The following SLFNL1 variants were observed in gnomAD, a reference collection of about 807,000 sequenced individuals.
The protein encoded by SLFNL1 is schlafen like 1, also known as schlafen-like protein 1.
Under a neutral mutation model 32.5 loss-of-function variants are expected in SLFNL1, and 26 were observed. That is an observed-to-expected ratio of 0.80 (90% confidence interval 0.59 to 1.11). The LOEUF (loss-of-function observed/expected upper bound fraction) is 1.11. Among genes scored for constraint, SLFNL1 ranks in the 50% least tolerant of loss-of-function variants. The pLI is 0.00. For synonymous variants in SLFNL1, 255 were observed against 242.2 expected, an observed-to-expected ratio of 1.05 and a Z score of -0.49; for missense variants, 553 against 546.5, an observed-to-expected ratio of 1.01 and a Z score of -0.12.
rs1418297116 is a variant in SLFNL1 at position 41,017,541 on chromosome 1, C to T, written c.957+94G>A. On this transcript the variant is annotated intron_variant, in intron 4 of 5. Coordinates refer to ENST00000302946, the MANE Select transcript of SLFNL1 (RefSeq NM_144990.4). This position sits in a 1 kb window ranked among gnomAD's most constrained non-coding sequence, Gnocchi z 4.9. ...TCTCCTGTGGCCCCCAGTCCCGTCC[C>T]TGCCCCAGCACTGCCTGGCAGGAGT... The T allele has an allele frequency of 1.6e-5, 24 of 1,497,160 alleles. No individual in the cohort carries two copies. Among genetic ancestry groups the T allele is most frequent in the Non-Finnish European group, 2.0e-5 (22 of 1,123,680 alleles). 92.7% of individuals were successfully genotyped at this position (1,497,160 alleles called of 1,614,324 possible).
rs746313380 is a variant in SLFNL1 at position 41,017,670 on chromosome 1, C to T, written c.922G>A (p.Val308Met). ...PDAYTLTFIPVISTSETSVPL... is the reference protein window; with the variant it reads ...PDAYTLTFIPMISTSETSVPL... ...ACGCTGGTCTCCGAGGTACTGATCA[C>T]AGGGATGAAGGTGAGAGTGTAGGCA... is the stretch of plus-strand genomic sequence containing the variant. Residue 308 changes from valine (V) to methionine (M), a missense_variant, in exon 4 of 6, where the codon GTG (valine) becomes ATG (methionine). Transcript: ENST00000302946. The surrounding 1 kb of genome is among the most constrained non-coding windows in gnomAD (Gnocchi z 4.9). 1.9e-6 allele frequency: 3 copies of T among 1,553,966 alleles called. No homozygotes were observed. In the East Asian group the frequency reaches 6.8e-5, roughly 35 times the overall value.
rs148992629 is a variant in SLFNL1, at chr1:41,020,411, C to A, written c.250G>T (p.Glu84Ter). 5.7e-3 allele frequency: 9,267 copies of A among 1,613,100 alleles called. 46 individuals are homozygous for A. The highest frequency in any genetic ancestry group is 6.1e-3 in the Non-Finnish European group (7,220 of 1,180,020). The change falls in exon 3 of 6, where the codon GAA (glutamate) becomes TAA (stop). Residue 84 changes from glutamate to a stop codon, truncating the protein, a stop_gained. Coordinates refer to ENST00000302946, the MANE Select transcript of SLFNL1 (RefSeq NM_144990.4). LOFTEE classifies it high-confidence loss of function. Reference sequence around the variant, plus strand: ...GCCTTCCGCGGCCGCCTCACCACTTCAATGTGCTCCCGCGCCACCGGCATC... The same window carrying A: ...GCCTTCCGCGGCCGCCTCACCACTTAAATGTGCTCCCGCGCCACCGGCATC... ...LEMPVAREHI[E>*]VVRRPRKAYA...
rs779730326 is a variant in SLFNL1, at chr1:41,017,323, G to C, written c.1012C>G (p.Gln338Glu). Residue 338 changes from glutamine (Q) to glutamate (E), a missense_variant, in exon 5 of 6, where the codon CAG becomes GAG. Coordinates refer to ENST00000302946, the MANE Select transcript of SLFNL1 (RefSeq NM_144990.4). This position sits in a 1 kb window ranked among gnomAD's most constrained non-coding sequence, Gnocchi z 4.9. Reference sequence around the variant, plus strand: ...AGAAACACCTCCCCCTGGTCTGTCTGGTAGAGTTGCGGCTGGCTCTGGGCC... The same window carrying C: ...AGAAACACCTCCCCCTGGTCTGTCTCGTAGAGTTGCGGCTGGCTCTGGGCC... The part of the protein sequence containing the change: ...PKAQSQPQLY[Q>E]TDQGEVFLRR... The C allele has an allele frequency of 6.2e-7, 1 of 1,613,950 alleles. No individual in the cohort carries two copies. The highest frequency in any genetic ancestry group is 1.1e-5 in the South Asian group (1 of 91,082).
intron 5 of SLFNL1, 96 bp from the exon 6 acceptor site, chr1:41,016,324 C>T (rs1353095633): frequency 1.0e-5 from 16 of 1,523,866 alleles, no homozygotes; most frequent in Non-Finnish European, 1.4e-5. Context: ...AAGGCAAAGC[C>T]CAGGAGCCTG....
In SLFNL1 at chr1:41,018,386, G is replaced by T. The variant is rs558865803; in HGVS notation, c.436-230C>A. On this transcript the variant is annotated intron_variant, in intron 3 of 5. Coordinates refer to ENST00000302946, the MANE Select transcript of SLFNL1 (RefSeq NM_144990.4). ...CAGTCAGCGCTCCTTTCCCTGCCAA[G>T]CTGGGCCCTTCCCAGGTGAGCTGTG... is the stretch of plus-strand genomic sequence containing the variant. The T allele has an allele frequency of 1.3e-5, 6 of 448,360 alleles. No homozygotes were observed. The Admixed American group carries it at 1.9e-4, about 14-fold the overall frequency. The allele number at this position is 448,360 out of a possible 1,614,324, so 27.8% of individuals were successfully genotyped here. A position where few individuals can be genotyped will look rare whatever the true frequency, so the allele number is the denominator to read the frequency against.
Position 41,017,395 on chromosome 1 carries a change from C to T in SLFNL1, c.958-18G>A. ...CGGATCACCTTGGTAGGGGCAACAG[C>T]AGCTCTGGAGGCGCCGCCCCTCACG... is the stretch of plus-strand genomic sequence containing the variant. On this transcript the variant is annotated intron_variant, in intron 4 of 5. Coordinates refer to ENST00000302946, the MANE Select transcript of SLFNL1 (RefSeq NM_144990.4). This position sits in a 1 kb window ranked among gnomAD's most constrained non-coding sequence, Gnocchi z 4.9. The T allele has an allele frequency of 1.2e-6, 2 of 1,609,484 alleles. No homozygotes were observed. The highest frequency in any genetic ancestry group is 1.7e-6 in the Non-Finnish European group (2 of 1,177,738).
intron 3 of SLFNL1, 45 bp downstream of exon 3, chr1:41,020,181 C>A: frequency 6.5e-7 from 1 of 1,542,140 alleles, no homozygotes; most frequent in Non-Finnish European, 8.7e-7. Context: ...GAGGCTCTCC[C>A]TTGGGGTGAG....
At chr1:41,019,450 TG>T (rs1402592012) in intron 3 of SLFNL1, among the ~76,000 whole-genome samples, 2 of 152,144 alleles carry the variant, frequency 1.3e-5, no homozygotes, top group Non-Finnish European at 2.9e-5. Flanking sequence ...AGTTCAGCCT[TG>T]CCTTGGATGA....
rs200823541 is a variant in SLFNL1, at chr1:41,017,187, T to C, written c.1101+47A>G. 30 of 1,515,348 alleles carry C rather than the reference T, an allele frequency of 2.0e-5. No homozygotes were observed. In the East Asian group the frequency reaches 3.9e-4, roughly 20 times the overall value. 93.9% of individuals were successfully genotyped at this position (1,515,348 alleles called of 1,614,324 possible). A position where few individuals can be genotyped will look rare whatever the true frequency, so the allele number is the denominator to read the frequency against. The stretch of plus-strand genomic sequence containing the variant: ...TGCTCAGTGGGTGGCTGAAGGGGTC[T>C]GGGGTCAGCTCCGCTCCACCCCACC... On this transcript the variant is annotated intron_variant, in intron 5 of 5. Coordinates refer to ENST00000302946, the MANE Select transcript of SLFNL1 (RefSeq NM_144990.4). The surrounding 1 kb of genome is among the most constrained non-coding windows in gnomAD (Gnocchi z 4.9).
Position 41,018,103 on chromosome 1 carries a change from G to T in SLFNL1, c.489C>A (p.Gly163=). ...GCCAGGTGGGCAGCGGGACACCAGA[G>T]CCTGGACTGGGGCCAGGGCTCAGGC... ...DSGLSPGPSP[G]SGVPLPTWPT... The change falls in exon 4 of 6, where the codon GGC becomes GGA. Residue 163 remains glycine, a synonymous_variant. Transcript: ENST00000302946. 1.3e-6 allele frequency: 2 copies of T among 1,544,424 alleles called. No individual in the cohort carries two copies. Among genetic ancestry groups the T allele is most frequent in the Admixed American group, 1.9e-5 (1 of 52,542 alleles).
In SLFNL1 at chr1:41,017,783, C is replaced by A. The variant is rs1304521608; in HGVS notation, c.809G>T (p.Gly270Val). 2 of 1,605,570 alleles carry A rather than the reference C, an allele frequency of 1.2e-6. No individual in the cohort carries two copies. The highest frequency in any genetic ancestry group is 1.7e-6 in the Non-Finnish European group (2 of 1,174,532). ...CTCGTCACGGTGGCTGCAGCGGATG[C>A]CCTGCACCAGGCCGCTGTCCTCTAC... The part of the protein sequence containing the change: ...VGVEDSGLVQ[G>V]IRCSHRDEDR... Residue 270 changes from glycine to valine, a missense_variant, in exon 4 of 6, where the codon GGC becomes GTC. Physicochemically the swap from Gly to Val is moderately radical, Grantham distance 109. Transcript: ENST00000302946. The surrounding 1 kb of genome is among the most constrained non-coding windows in gnomAD (Gnocchi z 4.9).
At chr1:41,018,425 G>T in intron 3 of SLFNL1, 1 of 406,526 alleles carries the variant, frequency 2.5e-6, no homozygotes, top group Non-Finnish European at 4.4e-6. Context: ...TGCCTGGTGG[G>T]GAAGAAGAGA....
rs749925928 is a variant in SLFNL1, at chr1:41,020,404, A to G, written c.257T>C (p.Val86Ala). Reference protein sequence around the residue: ...MPVAREHIEVVRRPRKAYALV... With the variant: ...MPVAREHIEVARRPRKAYALV... ...TGCATAGGCCTTCCGCGGCCGCCTC[A>G]CCACTTCAATGTGCTCCCGCGCCAC... is the stretch of plus-strand genomic sequence containing the variant. The change falls in exon 3 of 6, where the codon GTG becomes GCG. Residue 86 changes from valine (V) to alanine (A), a missense_variant. Val to Ala is a moderately conservative substitution (Grantham distance 64). Coordinates refer to ENST00000302946, the MANE Select transcript of SLFNL1 (RefSeq NM_144990.4). The G allele has an allele frequency of 5.5e-5, 88 of 1,612,962 alleles. No individual in the cohort carries two copies. The Admixed American group carries it at 1.3e-3, about 24-fold the overall frequency.
intron 3 of SLFNL1, among the ~76,000 whole-genome samples, chr1:41,018,699 T>A (rs879924537): frequency 1.3e-5 from 2 of 152,128 alleles, no homozygotes; most frequent in Non-Finnish European, 2.9e-5. Flanking sequence ...GAATCTCCTT[T>A]CATGGTTTGG....
intron 5 of SLFNL1, chr1:41,016,869 CCAGCT>C: frequency 6.0e-6 from 1 of 167,682 alleles, no homozygotes; most frequent in Non-Finnish European, 1.3e-5. Context: ...GCCACCATGC[CCAGCT>C]AATTTTTGTA....
In SLFNL1 at chr1:41,017,687, G is replaced by T; in HGVS notation, c.905C>A (p.Thr302Asn). 1 of 1,572,234 alleles carries T rather than the reference G, an allele frequency of 6.4e-7. No individual in the cohort carries two copies. The highest frequency in any genetic ancestry group is 8.7e-7 in the Non-Finnish European group (1 of 1,155,382). ...ACTGATCACAGGGATGAAGGTGAGA[G>T]TGTAGGCATCGGGAAAGATCTGAGG... ...FKPQIFPDAY[T>N]LTFIPVISTS... Residue 302 changes from threonine to asparagine, a missense_variant, in exon 4 of 6, where the codon ACT (threonine) becomes AAT (asparagine). Physicochemically the swap from Thr to Asn is moderately conservative, Grantham distance 65 (BLOSUM62 0). Transcript: ENST00000302946. This position sits in a 1 kb window ranked among gnomAD's most constrained non-coding sequence, Gnocchi z 4.9.
chr1:41,021,696 G>A lies in SLFNL1; in HGVS notation c.-199C>T, dbSNP rs1052418305. 1 of 152,268 alleles carries A rather than the reference G, an allele frequency of 6.6e-6. No homozygotes were observed. Among genetic ancestry groups the A allele is most frequent in the Non-Finnish European group, 1.5e-5 (1 of 68,106 alleles). 9.4% of individuals were successfully genotyped at this position (152,268 alleles called of 1,614,324 possible). A position where few individuals can be genotyped will look rare whatever the true frequency, so the allele number is the denominator to read the frequency against. The stretch of plus-strand genomic sequence containing the variant: ...AGCTCCCATAGCCTCCCGACCCCTG[G>A]CCGGTAGCTCTCAGGGAACTTGGAG... On this transcript the variant is annotated 5_prime_UTR_variant, in exon 1 of 6. Coordinates refer to ENST00000302946, the MANE Select transcript of SLFNL1 (RefSeq NM_144990.4).
chr1:41,017,143 A>G lies in SLFNL1; in HGVS notation c.1101+91T>C, dbSNP rs896470392. The G allele has an allele frequency of 2.1e-6, 3 of 1,427,592 alleles. No homozygotes were observed. Among genetic ancestry groups the G allele is most frequent in the African/African-American group, 2.9e-5 (2 of 70,154 alleles). The allele number at this position is 1,427,592 out of a possible 1,614,324, so 88.4% of individuals were successfully genotyped here. The stretch of plus-strand genomic sequence containing the variant: ...GGGGTGATGCAGGACCCAGGGAACC[A>G]TGGTGGCTTGCCCTGGGCTGCTCAG... On this transcript the variant is annotated intron_variant, in intron 5 of 5. Coordinates refer to ENST00000302946, the MANE Select transcript of SLFNL1 (RefSeq NM_144990.4). This position sits in a 1 kb window ranked among gnomAD's most constrained non-coding sequence, Gnocchi z 4.9.
chr1:41,017,621 T>C lies in SLFNL1; in HGVS notation c.957+14A>G, dbSNP rs750425534. The C allele has an allele frequency of 1.4e-5, 21 of 1,518,564 alleles. No individual in the cohort carries two copies. The highest frequency in any genetic ancestry group is 1.9e-5 in the Non-Finnish European group (21 of 1,132,270). The allele number at this position is 1,518,564 out of a possible 1,614,324, so 94.1% of individuals were successfully genotyped here. On this transcript the variant is annotated intron_variant, in intron 4 of 5. Transcript: ENST00000302946. The surrounding 1 kb of genome is among the most constrained non-coding windows in gnomAD (Gnocchi z 4.9). Reference sequence around the variant, plus strand: ...GATGACAGGCCCAGAGGCCCTCCTGTCCTGCAGGCTCACCTTGAGGGGGAC... The same window carrying C: ...GATGACAGGCCCAGAGGCCCTCCTGCCCTGCAGGCTCACCTTGAGGGGGAC...
Sources: gnomAD v4.1 joint callset for allele counts (sites outside exome capture counted in the v4.1 genomes callset) on GRCh38, gnomAD v4.1.1 for gene constraint, Gnocchi (gnomAD v3.1) non-coding constraint, MANE v1.5 for transcripts, NCBI Gene and HGNC (gene_info 2026-07-23, HGNC 2026-07-21) for gene names.